Variants in FRMD6 observed in about 807,000 individuals in gnomAD.
FRMD6 encodes the protein FERM domain containing 6, also known as FERM domain-containing protein 6.
In FRMD6, 37 loss-of-function variants were observed where a neutral mutation model predicts 73.2. The observed-to-expected ratio is 0.51, with a 90% CI of 0.39 to 0.66. The LOEUF is 0.66. FRMD6 is among the 30% of genes least tolerant of loss of function. FRMD6 has a pLI of 0.00. For missense variants in FRMD6, 714 were observed against 780.5 expected (o/e 0.91, Z 1.02); for synonymous variants, 273 against 282.2 (o/e 0.97, Z 0.33).
At chr14:51,406,208 C>A in the FRMD6 span, among the ~76,000 whole-genome samples, 6 of 152,104 alleles carry the variant, frequency 3.9e-5, no homozygotes, top group Non-Finnish European at 8.8e-5. Context: ...GTACCAGTAC[C>A]ATGATGTTTT....
In FRMD6 at chr14:51,585,939, G is replaced by GTGTGTGTGTGTGTGTGTATATA; in HGVS notation, c.-147+15530_-147+15531insGTGTGTGTGTGTGTGTATATAT. On this transcript the variant is annotated intron_variant, in intron 2 of 14. Transcript: ENST00000356218. Reference sequence around the variant, plus strand: ...TGCCATGGCATGTGTGTGTGTGTGTGTATATATATATATATATATATAACA... The same window carrying GTGTGTGTGTGTGTGTGTATATA: ...TGCCATGGCATGTGTGTGTGTGTGTGTGTGTGTGTGTGTGTGTATATATATATATATATATATATATATAACA... Among the ~76,000 whole-genome samples, 9 of 31,386 alleles carry GTGTGTGTGTGTGTGTGTATATA rather than the reference G, an allele frequency of 2.9e-4. 1 individual carries two copies. The highest frequency in any genetic ancestry group is 8.4e-4 in the Admixed American group (2 of 2,394). The allele number at this position is 31,386 out of a possible 152,430, so 20.6% of individuals were successfully genotyped here.
At chr14:51,535,333 A>G (rs1294018302) in intron 1 of FRMD6, among the ~76,000 whole-genome samples, 1 of 152,204 alleles carries the variant, frequency 6.6e-6, no homozygotes, top group Non-Finnish European at 1.5e-5. Flanking sequence ...AAGAAACCCT[A>G]TACTGTTTAC....
chr14:51,722,038 A>C lies in FRMD6; in HGVS notation c.1450A>C (p.Thr484Pro), dbSNP rs780254683. 6.2e-7 allele frequency: 1 copy of C among 1,614,086 alleles called. No homozygotes were observed. The highest frequency in any genetic ancestry group is 1.1e-5 in the South Asian group (1 of 91,074). ...CAGCCCAGACATGTGCATCTACATCACAGAGGACATGCTCATGTCGCGGAA... is the reference window on the plus strand; with the variant it reads ...CAGCCCAGACATGTGCATCTACATCCCAGAGGACATGCTCATGTCGCGGAA... Reference protein sequence around the residue: ...EVSPDMCIYITEDMLMSRKLN... With the variant: ...EVSPDMCIYIPEDMLMSRKLN... Residue 484 changes from threonine to proline, a missense_variant, in exon 12 of 14, where the codon ACA becomes CCA. Coordinates refer to ENST00000344768, the MANE Select transcript of FRMD6 (RefSeq NM_001267046.2).
At chr14:51,546,109 C>T (rs554540155) in intron 1 of FRMD6, among the ~76,000 whole-genome samples, 10 of 152,092 alleles carry the variant, frequency 6.6e-5, no homozygotes, top group African/African-American at 2.4e-4. Context: ...AAAAATATGA[C>T]AAGTCTGTAT....
At chr14:51,452,152 G>T in the FRMD6 span, among the ~76,000 whole-genome samples, 15 of 152,326 alleles carry the variant, frequency 9.8e-5, no homozygotes, top group African/African-American at 3.1e-4. Flanking sequence ...GGCAAGAGAT[G>T]ATCAGAGCAT....
chr14:51,468,536 TAAG>T, the FRMD6 span, among the ~76,000 whole-genome samples: 201 of 152,260 alleles, frequency 1.3e-3, 1 homozygote, highest in African/African-American at 4.7e-3. Flanking sequence ...AAATTGAAAA[TAAG>T]AACAGTTTTA....
the FRMD6 span, among the ~76,000 whole-genome samples, chr14:51,403,269 C>T: frequency 6.6e-6 from 1 of 152,162 alleles, no homozygotes; most frequent in East Asian, 1.9e-4. Flanking sequence ...ATTTTTGTGT[C>T]AATCATTGCC....
the FRMD6 span, among the ~76,000 whole-genome samples, chr14:51,482,144 C>G: frequency 2.4e-4 from 36 of 152,172 alleles, no homozygotes; most frequent in African/African-American, 8.2e-4. Context: ...TAGTGTTTTC[C>G]ATAACATAAA....
chr14:51,654,304 T>TG (rs1566533781), intron 1 of FRMD6, among the ~76,000 whole-genome samples: 24 of 64,766 alleles, frequency 3.7e-4, no homozygotes, highest in African/African-American at 1.1e-3. Context: ...GTTAGCTGAA[T>TG]TGGGGGGGGG....
At chr14:51,512,640 AT>A (rs1382985454) in intron 1 of FRMD6, among the ~76,000 whole-genome samples, 1 of 150,816 alleles carries the variant, frequency 6.6e-6, no homozygotes, top group African/African-American at 2.5e-5. Context: ...TGGGGGATGG[AT>A]AAAAAGAACT....
chr14:51,675,775 G>A (rs1894346295), intron 1 of FRMD6, among the ~76,000 whole-genome samples: 1 of 152,018 alleles, frequency 6.6e-6, no homozygotes, highest in Non-Finnish European at 1.5e-5. Context: ...TTCTGCACAT[G>A]TACAATGTGT....
intron 7 of FRMD6, 99 bp downstream of exon 7, chr14:51,708,332 A>G: frequency 1.1e-5 from 13 of 1,149,326 alleles, no homozygotes; most frequent in East Asian, 2.5e-5. Context: ...ATTAAAACTT[A>G]TTTCATTTTT....
the FRMD6 span, among the ~76,000 whole-genome samples, chr14:51,445,162 C>T: frequency 6.6e-6 from 1 of 152,250 alleles, no homozygotes; most frequent in East Asian, 1.9e-4. Flanking sequence ...TTGCCTGAAG[C>T]AGCAAGAGAT....
chr14:51,536,286 C>T (rs1186714439), intron 1 of FRMD6, among the ~76,000 whole-genome samples: 2 of 151,720 alleles, frequency 1.3e-5, no homozygotes, highest in Non-Finnish European at 2.9e-5. Context: ...GACACAGGGT[C>T]TCACTATGTT....
chr14:51,470,509 C>A, the FRMD6 span, among the ~76,000 whole-genome samples: 197 of 150,508 alleles, frequency 1.3e-3, no homozygotes, highest in African/African-American at 4.7e-3. Flanking sequence ...CAAAAAAAAC[C>A]AAAAAAAAAC....
intron 2 of FRMD6, among the ~76,000 whole-genome samples, chr14:51,635,590 A>T (rs1316716760): frequency 6.6e-6 from 1 of 152,192 alleles, no homozygotes; most frequent in Admixed American, 6.5e-5. Context: ...TTTTAAGTAA[A>T]TTTTACCATA....
intron 2 of FRMD6, among the ~76,000 whole-genome samples, chr14:51,581,673 A>G (rs2139662774): frequency 6.6e-6 from 1 of 152,350 alleles, no homozygotes; most frequent in Admixed American, 6.5e-5. Context: ...TGCTAAGTTA[A>G]AGCTCAGTTG....
intron 2 of FRMD6, among the ~76,000 whole-genome samples, chr14:51,604,014 A>AG (rs1890145908): frequency 6.6e-6 from 1 of 151,732 alleles, no homozygotes; most frequent in Admixed American, 6.6e-5. Flanking sequence ...GGGAGTGAGT[A>AG]TCAGAGCAGT....
chr14:51,591,395 C>T (rs566429768), intron 2 of FRMD6, among the ~76,000 whole-genome samples: 1 of 152,064 alleles, frequency 6.6e-6, no homozygotes, highest in Non-Finnish European at 1.5e-5. Flanking sequence ...AGAAGTATGA[C>T]AATTTGCAAA....
Sources: allele counts gnomAD v4.1 joint callset (sites outside exome capture counted in the v4.1 genomes callset), GRCh38; gene constraint gnomAD v4.1.1; transcripts MANE v1.5; gene names NCBI Gene and HGNC (gene_info 2026-07-23, HGNC 2026-07-21).